TSHZ2: variants seen among roughly 807,000 people sequenced by gnomAD.
The protein encoded by TSHZ2 is teashirt zinc finger homeobox 2, also known as teashirt homolog 2.
In TSHZ2, 21 loss-of-function variants were observed where a neutral mutation model predicts 74.4. The observed-to-expected ratio is 0.28, with a 90% CI of 0.20 to 0.41. The LOEUF (loss-of-function observed/expected upper bound fraction) is 0.41, where lower values mean the gene tolerates loss of function less well. Among genes scored for constraint, TSHZ2 ranks in the 10% least tolerant of loss-of-function variants. The pLI is 1.00. For synonymous variants in TSHZ2, 540 were observed against 515.3 expected, an observed-to-expected ratio of 1.05 and a Z score of -0.65; for missense variants, 1,244 against 1,293.5, an observed-to-expected ratio of 0.96 and a Z score of 0.59.
chr20:53,098,162 C>A (rs1302170164), intron 1 of TSHZ2, among the ~76,000 whole-genome samples: 1 of 152,162 alleles, frequency 6.6e-6, no homozygotes, highest in East Asian at 1.9e-4. Context: ...TGGAGCCAGA[C>A]AAACTTCAAT....
intron 2 of TSHZ2, among the ~76,000 whole-genome samples, chr20:53,312,071 A>G (rs113186321): frequency 2.4e-4 from 37 of 152,152 alleles, no homozygotes; most frequent in African/African-American, 8.7e-4. Context: ...ACAGAGGGAG[A>G]TCCTGGCTCA....
chr20:53,462,673 G>A (rs755389191), intron 2 of TSHZ2, among the ~76,000 whole-genome samples: 1 of 152,168 alleles, frequency 6.6e-6, no homozygotes, highest in Non-Finnish European at 1.5e-5. Flanking sequence ...ACATATCATA[G>A]CTGCTCAACA....
At chr20:53,040,681 C>T (rs1185994533) in intron 1 of TSHZ2, among the ~76,000 whole-genome samples, 1 of 152,092 alleles carries the variant, frequency 6.6e-6, no homozygotes, top group Non-Finnish European at 1.5e-5. Flanking sequence ...TAGCCCTGAC[C>T]TGGTGGCAGG....
chr20:53,289,687 A>C (rs1991244339), intron 2 of TSHZ2, among the ~76,000 whole-genome samples: 1 of 152,188 alleles, frequency 6.6e-6, no homozygotes, highest in Admixed American at 6.5e-5. Context: ...AGCTTGTCTG[A>C]GAAAGGGATG....
chr20:52,994,612 C>T (rs1982114261), intron 1 of TSHZ2, among the ~76,000 whole-genome samples: 1 of 152,132 alleles, frequency 6.6e-6, no homozygotes, highest in African/African-American at 2.4e-5. Context: ...AGCAATGGTT[C>T]CCTTGATTTC....
intron 1 of TSHZ2, among the ~76,000 whole-genome samples, chr20:53,247,590 A>T (rs1482325832): frequency 2.0e-5 from 3 of 152,042 alleles, no homozygotes. Context: ...AACACTAGAG[A>T]CTCATGACAG....
In TSHZ2 at chr20:53,239,921, C is replaced by A. The variant is rs150863960; in HGVS notation, c.41-13578C>A. On this transcript the variant is annotated intron_variant, in intron 1 of 2. Transcript: ENST00000371497. The stretch of plus-strand genomic sequence containing the variant: ...CGGCTATACAAAACTATAAAATGTG[C>A]GCATACAAATTAGATATATTATGAA... Among the ~76,000 whole-genome samples, 4 of 152,008 alleles carry A rather than the reference C, an allele frequency of 2.6e-5. No homozygotes were observed. In the East Asian group the frequency reaches 5.8e-4, roughly 22 times the overall value.
In TSHZ2 at chr20:53,185,938, C is replaced by T. The variant is rs575677059; in HGVS notation, c.41-67561C>T. On this transcript the variant is annotated intron_variant, in intron 1 of 2. Coordinates refer to ENST00000371497, the MANE Select transcript of TSHZ2 (RefSeq NM_173485.6). ...AACTCAGGTGAACATTAGTCCAAGT[C>T]GAGGGTTACTGTGAATGGTGCCATC... Among the ~76,000 whole-genome samples the T allele has an allele frequency of 5.3e-5, 8 of 152,276 alleles. No homozygotes were observed. In the South Asian group the frequency reaches 1.7e-3, roughly 32 times the overall value.
intron 2 of TSHZ2, among the ~76,000 whole-genome samples, chr20:53,463,370 C>CAG (rs1049370954): frequency 6.0e-5 from 6 of 99,518 alleles, no homozygotes; most frequent in African/African-American, 1.2e-4. Flanking sequence ...TCTTGAAAGA[C>CAG]AGAGAGAGAG....
rs897475900 is a variant in TSHZ2 at position 53,254,770 on chromosome 20, A to G, written c.1312A>G (p.Ser438Gly). ...KMQSLSEAPN[S>G]DSLAPKPSSN... is the part of the protein sequence containing the mutation. The stretch of plus-strand genomic sequence containing the variant: ...GCAGTCGTTGTCTGAGGCCCCAAAC[A>G]GTGATTCTCTGGCTCCCAAGCCATC... Residue 438 changes from serine (S) to glycine (G), a missense_variant, in exon 2 of 3, where the codon AGT becomes GGT. This residue lies in a region of TSHZ2 where 562 missense variants were observed against 544.0 expected (regional missense o/e 1.03). Transcript: ENST00000371497. The G allele has an allele frequency of 2.5e-6, 4 of 1,613,290 alleles. No homozygotes were observed. In the African/African-American group the frequency reaches 5.3e-5, roughly 22 times the overall value.
At chr20:53,384,485 T>C (rs111662458) in intron 2 of TSHZ2, among the ~76,000 whole-genome samples, 3 of 152,362 alleles carry the variant, frequency 2.0e-5, no homozygotes, top group African/African-American at 7.2e-5. Flanking sequence ...TGTTTATGGC[T>C]TCACCTTGAC....
chr20:53,418,134 G>A (rs1052781257), intron 2 of TSHZ2, among the ~76,000 whole-genome samples: 4 of 152,190 alleles, frequency 2.6e-5, no homozygotes, highest in African/African-American at 9.7e-5. Context: ...TTAAGCAGAG[G>A]TCTATATGAT....
intron 1 of TSHZ2, among the ~76,000 whole-genome samples, chr20:53,207,157 C>T (rs1989188446): frequency 6.6e-6 from 1 of 152,136 alleles, no homozygotes; most frequent in African/African-American, 2.4e-5. Context: ...ACAGTTGTTC[C>T]TGTTTCAGCC....
intron 2 of TSHZ2, among the ~76,000 whole-genome samples, chr20:53,475,879 A>G (rs1985978120): frequency 1.5e-5 from 2 of 129,892 alleles, no homozygotes; most frequent in African/African-American, 6.3e-5. Flanking sequence ...TACTACAAAC[A>G]CCTCTATGCA....
At chr20:53,053,585 A>G (rs868558095) in intron 1 of TSHZ2, among the ~76,000 whole-genome samples, 2,217 of 147,692 alleles carry the variant, frequency 0.015, 62 homozygotes, top group African/African-American at 0.055. Context: ...GTGTGTGTAT[A>G]TATATATATA....
chr20:53,466,247 C>G (rs999355977), intron 2 of TSHZ2, among the ~76,000 whole-genome samples: 1 of 131,472 alleles, frequency 7.6e-6, no homozygotes, highest in African/African-American at 2.9e-5. Flanking sequence ...GACTCTGCCT[C>G]GAAAAATAAA....
intron 1 of TSHZ2, among the ~76,000 whole-genome samples, chr20:53,167,800 A>T: frequency 6.6e-6 from 1 of 152,192 alleles, no homozygotes; most frequent in Admixed American, 6.5e-5. Context: ...TGGGTGGGGT[A>T]TTACGTCCCC....
At chr20:53,033,805 A>T (rs1182632552) in intron 1 of TSHZ2, among the ~76,000 whole-genome samples, 2 of 151,660 alleles carry the variant, frequency 1.3e-5, no homozygotes, top group Non-Finnish European at 2.9e-5. Flanking sequence ...GACTGCAGGC[A>T]TGCACCCCTA....
chr20:53,342,316 T>TAA, intron 2 of TSHZ2, among the ~76,000 whole-genome samples: 1 of 151,066 alleles, frequency 6.6e-6, no homozygotes. Flanking sequence ...TTTTTTTTTT[T>TAA]TTAATGATGA....
Sources: allele counts gnomAD v4.1 joint callset (sites outside exome capture counted in the v4.1 genomes callset), GRCh38; gene constraint gnomAD v4.1.1; regional missense constraint gnomAD v4.1.1; transcripts MANE v1.5; gene names NCBI Gene and HGNC (gene_info 2026-07-23, HGNC 2026-07-21).